The following EXOC6B variants were observed in gnomAD, a reference collection of about 807,000 sequenced individuals.
The protein encoded by EXOC6B is exocyst complex component 6B.
EXOC6B carries 54 observed loss-of-function variants against 113.5 expected under a neutral mutation model. The ratio of observed to expected loss-of-function variants is 0.48; its 90% CI spans 0.38 to 0.60. EXOC6B has a LOEUF of 0.60. EXOC6B is among the 20% of genes least tolerant of loss of function. The pLI, the probability that EXOC6B is intolerant of heterozygous loss-of-function variation, is 0.00. For missense variants in EXOC6B, 797 were observed against 977.5 expected (o/e 0.82, Z 2.46); for synonymous variants, 357 against 339.0 (o/e 1.05, Z -0.58).
chr2:72,253,663 A>C (rs960911852), intron 20 of EXOC6B, among the ~76,000 whole-genome samples: 2 of 152,132 alleles, frequency 1.3e-5, no homozygotes, highest in Non-Finnish European at 2.9e-5. Context: ...ATATGGACAC[A>C]AAGAAGGGAA....
chr2:72,492,595 T>C (rs1699804710), intron 15 of EXOC6B, among the ~76,000 whole-genome samples, 166 bp from the exon 16 acceptor site: 1 of 151,904 alleles, frequency 6.6e-6, no homozygotes, highest in African/African-American at 2.4e-5. Context: ...TCCTAGCTTT[T>C]GTTGGCTGAA....
chr2:72,702,200 C>T (rs567296575), intron 6 of EXOC6B, among the ~76,000 whole-genome samples: 1 of 151,338 alleles, frequency 6.6e-6, no homozygotes, highest in African/African-American at 2.4e-5. Context: ...CAATAGTTTA[C>T]TGAGAATGAT....
chr2:72,233,655 A>G (rs1255300345), intron 20 of EXOC6B, among the ~76,000 whole-genome samples: 1 of 152,192 alleles, frequency 6.6e-6, no homozygotes, highest in Non-Finnish European at 1.5e-5. Context: ...GCAGACCAGA[A>G]CCAGTGCCAT....
At chr2:72,697,105 C>CAGAT (rs1553468431) in intron 6 of EXOC6B, among the ~76,000 whole-genome samples, 3 of 142,674 alleles carry the variant, frequency 2.1e-5, no homozygotes, top group African/African-American at 7.9e-5. Flanking sequence ...TTTTTATATA[C>CAGAT]AGATATAGAT....
chr2:72,289,400 T>C (rs925783477), intron 20 of EXOC6B, among the ~76,000 whole-genome samples: 2 of 152,162 alleles, frequency 1.3e-5, no homozygotes, highest in African/African-American at 4.8e-5. Context: ...TTTAAATATG[T>C]ACTGCTTGAG....
intron 6 of EXOC6B, among the ~76,000 whole-genome samples, chr2:72,619,637 G>T (rs1473274026): frequency 6.6e-6 from 1 of 152,014 alleles, no homozygotes; most frequent in Non-Finnish European, 1.5e-5. Context: ...CAAGAATAGT[G>T]AGAGAGTCAG....
chr2:72,498,435 A>G lies in EXOC6B; in HGVS notation c.1337+19T>C, dbSNP rs1262091859. The G allele has an allele frequency of 1.9e-6, 3 of 1,552,500 alleles. No homozygotes were observed. Among genetic ancestry groups the G allele is most frequent in the Non-Finnish European group, 2.7e-6 (3 of 1,129,046 alleles). On this transcript the variant is annotated intron_variant, in intron 13 of 21. Transcript: ENST00000272427. The stretch of plus-strand genomic sequence containing the variant: ...ATGTACATGAACACACACACATATG[A>G]CTATAGATAATTTCTCACCTGAAAA...
rs560107132 is a variant in EXOC6B, at chr2:72,486,560, C to T, written c.1665+5758G>A. The stretch of plus-strand genomic sequence containing the variant: ...TCCTTCAACTCCCATGCTTGCTCTC[C>T]CATCTGTAGGTTTAGCTGAAGACCC... On this transcript the variant is annotated intron_variant, in intron 16 of 21. Transcript: ENST00000272427. Among the ~76,000 whole-genome samples the T allele has an allele frequency of 4.6e-5, 7 of 152,148 alleles. No homozygotes were observed. The South Asian group carries it at 1.5e-3, about 32-fold the overall frequency.
intron 19 of EXOC6B, among the ~76,000 whole-genome samples, chr2:72,358,230 T>C (rs1032180836): frequency 3.3e-5 from 5 of 152,302 alleles, no homozygotes; most frequent in South Asian, 4.1e-4. Context: ...TTAATACTTA[T>C]AACAACTCTC....
At chr2:72,690,515 T>C (rs2104585906) in intron 6 of EXOC6B, among the ~76,000 whole-genome samples, 1 of 152,344 alleles carries the variant, frequency 6.6e-6, no homozygotes, top group East Asian at 1.9e-4. Flanking sequence ...TATAAGTCTT[T>C]GTAATTAACA....
chr2:72,376,950 G>C (rs653842), intron 19 of EXOC6B, among the ~76,000 whole-genome samples: 20,601 of 151,746 alleles, frequency 0.14, 1,722 homozygotes, highest in African/African-American at 0.24. Context: ...TTGTTAGGGT[G>C]AAGAGTAGCT....
intron 18 of EXOC6B, among the ~76,000 whole-genome samples, chr2:72,399,648 T>G (rs1693010303): frequency 6.6e-6 from 1 of 152,066 alleles, no homozygotes; most frequent in Non-Finnish European, 1.5e-5. Flanking sequence ...ACACCAATAA[T>G]AATCAAGCTG....
intron 6 of EXOC6B, among the ~76,000 whole-genome samples, chr2:72,649,757 AG>A (rs1332731403): frequency 5.9e-5 from 9 of 152,196 alleles, no homozygotes; most frequent in African/African-American, 9.6e-5. Context: ...TCCCAGAAAC[AG>A]CCCCACAGTA....
At chr2:72,777,231 G>A (rs933766991) in intron 1 of EXOC6B, among the ~76,000 whole-genome samples, 4 of 152,186 alleles carry the variant, frequency 2.6e-5, no homozygotes, top group South Asian at 4.1e-4. Flanking sequence ...GCAACAGAGC[G>A]AGACTCTGTC....
In EXOC6B at chr2:72,464,962, T is replaced by C. The variant is rs897500767; in HGVS notation, c.1980+198A>G. ...CATAATACCAGGAACCATTTTCAGA[T>C]GAAAAAAATGCAAAGGTCAATGAAA... On this transcript the variant is annotated intron_variant, in intron 18 of 21. Transcript: ENST00000272427. 8.6e-6 allele frequency: 5 copies of C among 581,722 alleles called. No individual in the cohort carries two copies. The African/African-American group carries it at 9.4e-5, about 11-fold the overall frequency. 36.0% of individuals were successfully genotyped at this position (581,722 alleles called of 1,614,324 possible). A position where few individuals can be genotyped will look rare whatever the true frequency, so the allele number is the denominator to read the frequency against.
intron 6 of EXOC6B, among the ~76,000 whole-genome samples, chr2:72,675,662 ATGTGCC>A (rs1305826547): frequency 6.6e-6 from 1 of 152,130 alleles, no homozygotes; most frequent in Non-Finnish European, 1.5e-5. Flanking sequence ...GCATGGTGGC[ATGTGCC>A]TGTGCTCTCA....
rs1686825755 is a variant in EXOC6B at position 72,825,165 on chromosome 2, C to T, written c.113+633G>A. ...ATGTGCGTGCAAAAAAAAATGATAA[C>T]TGGGGGGCGGCAGCAGGGTCAGTTT... On this transcript the variant is annotated intron_variant, in intron 1 of 21. Transcript: ENST00000272427. The surrounding 1 kb of genome is among the most constrained non-coding windows in gnomAD (Gnocchi z 4.4). Among the ~76,000 whole-genome samples the T allele has an allele frequency of 6.6e-6, 1 of 151,918 alleles. No homozygotes were observed. Among genetic ancestry groups the T allele is most frequent in the Non-Finnish European group, 1.5e-5 (1 of 67,982 alleles).
chr2:72,575,438 C>T, intron 7 of EXOC6B, 54 bp downstream of exon 7: 1 of 1,500,434 alleles, frequency 6.7e-7, no homozygotes, highest in East Asian at 2.4e-5. Flanking sequence ...ACATCTCAAC[C>T]ATACTATTTA....
intron 8 of EXOC6B, among the ~76,000 whole-genome samples, chr2:72,529,649 G>A (rs1701897702): frequency 6.6e-6 from 1 of 152,160 alleles, no homozygotes; most frequent in African/African-American, 2.4e-5. Flanking sequence ...TGTTTTTAGA[G>A]ATGGGATCTC....
Sources: allele counts gnomAD v4.1 joint callset (sites outside exome capture counted in the v4.1 genomes callset), GRCh38; gene constraint gnomAD v4.1.1; non-coding constraint Gnocchi (gnomAD v3.1); transcripts MANE v1.5; gene names NCBI Gene and HGNC (gene_info 2026-07-23, HGNC 2026-07-21).